The following ZMAT4 variants were observed in gnomAD, a reference collection of about 807,000 sequenced individuals.
ZMAT4 encodes the protein zinc finger matrin-type 4.
In ZMAT4, 17 loss-of-function variants were observed where a neutral mutation model predicts 28.7. The ratio of observed to expected loss-of-function variants is 0.59; its 90% CI spans 0.41 to 0.89. The LOEUF (loss-of-function observed/expected upper bound fraction) is 0.89, where lower values mean the gene tolerates loss of function less well. ZMAT4 is among the 40% of genes least tolerant of loss of function. ZMAT4 has a pLI of 0.00. For missense variants in ZMAT4, 240 were observed against 283.8 expected (o/e 0.85, Z 1.11); for synonymous variants, 117 against 109.2 (o/e 1.07, Z -0.44).
At chr8:40,710,198 G>A (rs1412669285) in intron 3 of ZMAT4, among the ~76,000 whole-genome samples, 2 of 152,168 alleles carry the variant, frequency 1.3e-5, no homozygotes, top group African/African-American at 4.8e-5. Context: ...TAAAGATGGG[G>A]AGACACTGGG....
intron 1 of ZMAT4, chr8:40,884,567 G>A (rs928831567): frequency 2.0e-5 from 3 of 152,270 alleles, no homozygotes; most frequent in Non-Finnish European, 2.9e-5. Context: ...GCTCATCCAC[G>A]GCCTCTACAC....
intron 5 of ZMAT4, among the ~76,000 whole-genome samples, chr8:40,615,296 C>T (rs774783658): frequency 1.8e-4 from 28 of 152,210 alleles, no homozygotes; most frequent in Non-Finnish European, 3.7e-4. Context: ...GAGAGATCCA[C>T]TGTTAGTCTG....
At chr8:40,881,538 G>GAAAGAAAGAA (rs1174552938) in intron 1 of ZMAT4, among the ~76,000 whole-genome samples, 1 of 70,300 alleles carries the variant, frequency 1.4e-5, no homozygotes, top group East Asian at 4.5e-4. Flanking sequence ...CAGAAAGAAA[G>GAAAGAAAGAA]AAAGAAAGAA....
intron 2 of ZMAT4, among the ~76,000 whole-genome samples, chr8:40,806,713 T>TTGTATGGA (rs1815097977): frequency 1.3e-5 from 2 of 152,168 alleles, no homozygotes. Context: ...ACATACATCC[T>TTGTATGGA]TCTCATTTGT....
intron 6 of ZMAT4, among the ~76,000 whole-genome samples, chr8:40,546,981 T>C (rs1803223112): frequency 6.6e-6 from 1 of 152,094 alleles, no homozygotes; most frequent in African/African-American, 2.4e-5. Flanking sequence ...ACAGCAAACT[T>C]TCATGGCAAC....
intron 2 of ZMAT4, among the ~76,000 whole-genome samples, chr8:40,775,392 C>T (rs1230053956): frequency 6.6e-6 from 1 of 152,182 alleles, no homozygotes; most frequent in African/African-American, 2.4e-5. Flanking sequence ...GCGGCATTGC[C>T]CACAGGCATT....
chr8:40,887,334 CA>C (rs1818492636), intron 1 of ZMAT4, among the ~76,000 whole-genome samples: 1 of 150,806 alleles, frequency 6.6e-6, no homozygotes, highest in Non-Finnish European at 1.5e-5. Flanking sequence ...ACTAAAAATA[CA>C]AAAATTAGCC....
intron 5 of ZMAT4, among the ~76,000 whole-genome samples, chr8:40,638,386 C>T (rs914985062): frequency 6.6e-6 from 1 of 152,170 alleles, no homozygotes; most frequent in South Asian, 2.1e-4. Context: ...ACACATCTTA[C>T]ATTTGTCTTT....
chr8:40,736,199 G>C (rs2150530380), intron 3 of ZMAT4, among the ~76,000 whole-genome samples: 1 of 152,242 alleles, frequency 6.6e-6, no homozygotes, highest in Middle Eastern at 3.4e-3. Context: ...CATGGAGAAG[G>C]ACTGAGTCCA....
At chr8:40,549,580 C>T (rs970745412) in intron 6 of ZMAT4, among the ~76,000 whole-genome samples, 2 of 152,166 alleles carry the variant, frequency 1.3e-5, no homozygotes, top group African/African-American at 2.4e-5. Context: ...AGAGATTCCT[C>T]ACACACAACT....
intron 5 of ZMAT4, among the ~76,000 whole-genome samples, chr8:40,639,787 C>CAT: frequency 6.6e-6 from 1 of 151,892 alleles, no homozygotes; most frequent in East Asian, 1.9e-4. Flanking sequence ...CACACACACA[C>CAT]ACACACACAC....
At chr8:40,845,288 A>G (rs1268179814) in intron 1 of ZMAT4, among the ~76,000 whole-genome samples, 1 of 152,166 alleles carries the variant, frequency 6.6e-6, no homozygotes, top group Non-Finnish European at 1.5e-5. Flanking sequence ...AAATTTAGGC[A>G]TCTTCATTAT....
chr8:40,538,053 T>G (rs1005909260), intron 6 of ZMAT4, among the ~76,000 whole-genome samples: 2 of 152,136 alleles, frequency 1.3e-5, no homozygotes, highest in African/African-American at 2.4e-5. Context: ...AAATTTAACC[T>G]AAGAAACTGT....
At position 40,643,789 on chromosome 8, in the gene ZMAT4, C is replaced by CAAA. The variant is rs11416412; in HGVS notation, c.577+30912_577+30914dup. ...GTGCGTCTGTGTGTTTGTGTGTGTG[C>CAAA]AAAAAAAAAAAAAGGAGTAAGGTCA... On this transcript the variant is annotated intron_variant, in intron 5 of 6. Transcript: ENST00000297737. 6.2e-3 allele frequency among the ~76,000 whole-genome samples: 847 copies of CAAA among 137,508 alleles called. 6 individuals are homozygous for CAAA. The highest frequency in any genetic ancestry group is 7.4e-3 in the Middle Eastern group (2 of 270). The allele number at this position is 137,508 out of a possible 152,430, so 90.2% of individuals were successfully genotyped here.
intron 1 of ZMAT4, among the ~76,000 whole-genome samples, chr8:40,887,169 T>TC (rs1307774629): frequency 3.3e-5 from 2 of 60,326 alleles, no homozygotes; most frequent in East Asian, 1.3e-3. Context: ...AGACTCCGTC[T>TC]CAAAAAAAAA....
chr8:40,576,020 A>G (rs1804251382), intron 6 of ZMAT4, among the ~76,000 whole-genome samples: 1 of 152,074 alleles, frequency 6.6e-6, no homozygotes, highest in African/African-American at 2.4e-5. Flanking sequence ...AATAAAATAA[A>G]AAGTACCATC....
chr8:40,706,262 G>A (rs1475257219), intron 3 of ZMAT4, among the ~76,000 whole-genome samples: 1 of 152,094 alleles, frequency 6.6e-6, no homozygotes, highest in Non-Finnish European at 1.5e-5. Flanking sequence ...CACCGTGTTA[G>A]ACAGGATGGT....
chr8:40,703,025 A>G (rs1046618308), intron 3 of ZMAT4, among the ~76,000 whole-genome samples: 1 of 151,650 alleles, frequency 6.6e-6, no homozygotes, highest in African/African-American at 2.4e-5. Context: ...ATATATATAT[A>G]TATTCAATAA....
intron 1 of ZMAT4, among the ~76,000 whole-genome samples, chr8:40,843,307 C>T (rs1489652789): frequency 6.6e-6 from 1 of 152,120 alleles, no homozygotes; most frequent in African/African-American, 2.4e-5. Flanking sequence ...ACTGCTCGAC[C>T]CCACAGCCCC....
Sources: allele counts gnomAD v4.1 joint callset (sites outside exome capture counted in the v4.1 genomes callset), GRCh38; gene constraint gnomAD v4.1.1; transcripts MANE v1.5; gene names NCBI Gene and HGNC (gene_info 2026-07-23, HGNC 2026-07-21).